Variants in STX8 observed in about 807,000 individuals in gnomAD.
The protein encoded by STX8 is syntaxin-8.
A neutral mutation model predicts 37.5 loss-of-function variants in STX8; 23 were observed. That is an observed-to-expected ratio of 0.61 (90% CI 0.44 to 0.87). STX8 has a LOEUF of 0.87. Among genes scored for constraint, STX8 ranks in the 40% least tolerant of loss-of-function variants. The pLI, the probability that STX8 is intolerant of heterozygous loss-of-function variation, is 0.00. For synonymous variants in STX8, 115 were observed against 99.1 expected, an observed-to-expected ratio of 1.16 and a Z score of -0.95; for missense variants, 313 against 284.7, an observed-to-expected ratio of 1.10 and a Z score of -0.71.
chr17:9,437,413 G>C (rs1904474955), intron 6 of STX8, among the ~76,000 whole-genome samples: 1 of 152,190 alleles, frequency 6.6e-6, no homozygotes, highest in Non-Finnish European at 1.5e-5. Flanking sequence ...TGATACAACA[G>C]CTTTCAGGGA....
At chr17:9,498,371 C>T (rs896709130) in intron 5 of STX8, among the ~76,000 whole-genome samples, 2 of 144,024 alleles carry the variant, frequency 1.4e-5, no homozygotes, top group African/African-American at 5.2e-5. Context: ...GCCTGGGTGA[C>T]AGAGTGAGAC....
intron 7 of STX8, among the ~76,000 whole-genome samples, chr17:9,310,875 T>C (rs1909167797): frequency 6.6e-6 from 1 of 152,210 alleles, no homozygotes; most frequent in Admixed American, 6.5e-5. Context: ...CCTAGTTTGA[T>C]ATCTCAAATT....
At chr17:9,496,466 T>C (rs930401307) in intron 5 of STX8, among the ~76,000 whole-genome samples, 1 of 152,194 alleles carries the variant, frequency 6.6e-6, no homozygotes, top group African/African-American at 2.4e-5. Flanking sequence ...CATGATGATA[T>C]CACAAGAGGG....
intron 7 of STX8, among the ~76,000 whole-genome samples, chr17:9,330,740 A>AT (rs1258091874): frequency 2.0e-5 from 3 of 152,196 alleles, no homozygotes; most frequent in Non-Finnish European, 4.4e-5. Flanking sequence ...CAAAGGCGGT[A>AT]TGGCTTGTAT....
At chr17:9,545,122 C>T (rs752054803) in intron 4 of STX8, 50 bp downstream of exon 4, 3 of 1,268,834 alleles carry the variant, frequency 2.4e-6, no homozygotes, top group Admixed American at 1.8e-5. Flanking sequence ...GTAGTATCTG[C>T]AAAGAAGTCT....
intron 6 of STX8, among the ~76,000 whole-genome samples, chr17:9,395,316 T>A (rs570370891): frequency 4.6e-5 from 7 of 151,794 alleles, no homozygotes; most frequent in South Asian, 4.2e-4. Context: ...AACATGAATA[T>A]GGCAGCTGGA....
At chr17:9,294,834 G>A (rs1318243422) in intron 7 of STX8, among the ~76,000 whole-genome samples, 1 of 152,192 alleles carries the variant, frequency 6.6e-6, no homozygotes, top group Non-Finnish European at 1.5e-5. Flanking sequence ...AGTCCAATAG[G>A]ACTGATGTCA....
chr17:9,543,907 C>T (rs989133175), intron 4 of STX8, among the ~76,000 whole-genome samples: 6 of 152,162 alleles, frequency 3.9e-5, no homozygotes, highest in Admixed American at 6.5e-5. Context: ...AACCTTGGAT[C>T]GCCGCTCCTG....
At chr17:9,548,640 A>G (rs1414480507) in intron 3 of STX8, 1 of 152,198 alleles carries the variant, frequency 6.6e-6, no homozygotes, top group African/African-American at 2.4e-5. Context: ...GCAGCCTTAA[A>G]AAAAGAATAG....
At chr17:9,310,516 CTT>C (rs1909155506) in intron 7 of STX8, among the ~76,000 whole-genome samples, 1 of 152,144 alleles carries the variant, frequency 6.6e-6, no homozygotes, top group African/African-American at 2.4e-5. Context: ...GTAACCTGCT[CTT>C]GTCTCAATAC....
chr17:9,506,422 C>CCCCCCCCCCCCCCG (rs1286101644), intron 4 of STX8, among the ~76,000 whole-genome samples: 2 of 109,406 alleles, frequency 1.8e-5, no homozygotes, highest in African/African-American at 7.9e-5. Flanking sequence ...CCCCCCCCCA[C>CCCCCCCCCCCCCCG]CCACCTTTCT....
At chr17:9,543,853 TTAACA>T (rs1374439225) in intron 4 of STX8, among the ~76,000 whole-genome samples, 1 of 152,202 alleles carries the variant, frequency 6.6e-6, no homozygotes, top group Admixed American at 6.5e-5. Context: ...CAGAAGCAAC[TTAACA>T]TTTCATCTAC....
chr17:9,511,125 G>A (rs1224497104), intron 4 of STX8, among the ~76,000 whole-genome samples: 1 of 151,918 alleles, frequency 6.6e-6, no homozygotes, highest in Non-Finnish European at 1.5e-5. Flanking sequence ...AATATAATCT[G>A]CCAACAAAGA....
At position 9,362,320 on chromosome 17, in the gene STX8, G is replaced by A. The variant is rs532972634; in HGVS notation, c.643+16232C>T. Among the ~76,000 whole-genome samples, 45 of 152,270 alleles carry A rather than the reference G, an allele frequency of 3.0e-4. 1 individual carries two copies. The highest frequency in any genetic ancestry group is 3.8e-4 in the Non-Finnish European group (26 of 68,018). On this transcript the variant is annotated intron_variant, in intron 7 of 7. Coordinates refer to ENST00000306357, the MANE Select transcript of STX8 (RefSeq NM_004853.3). The stretch of plus-strand genomic sequence containing the variant: ...GGCCTGCATGACAGTGTGAGACTCT[G>A]TCTCAACAAACAAACAAACATGTAA...
intron 6 of STX8, among the ~76,000 whole-genome samples, chr17:9,479,763 CATAGGGTG>C (rs2142451811): frequency 6.6e-6 from 1 of 152,074 alleles, no homozygotes; most frequent in South Asian, 2.1e-4. Flanking sequence ...TACTTTATAG[CATAGGGTG>C]ATGGTCACAC....
intron 4 of STX8, among the ~76,000 whole-genome samples, chr17:9,530,961 C>T (rs1442914592): frequency 6.6e-6 from 1 of 152,212 alleles, no homozygotes; most frequent in African/African-American, 2.4e-5. Context: ...ACATTTAGAT[C>T]TATAATCCTT....
intron 6 of STX8, among the ~76,000 whole-genome samples, chr17:9,386,471 G>A (rs1460627522): frequency 1.3e-5 from 2 of 152,072 alleles, no homozygotes; most frequent in African/African-American, 4.8e-5. Flanking sequence ...GGAAATGTTC[G>A]AAAGGTCATA....
intron 6 of STX8, among the ~76,000 whole-genome samples, chr17:9,431,030 T>G (rs1432381973): frequency 1.5e-5 from 2 of 135,122 alleles, no homozygotes; most frequent in Non-Finnish European, 3.2e-5. Flanking sequence ...TTGTTTTGGT[T>G]TTTTTTTAGT....
At position 9,509,338 on chromosome 17, in the gene STX8, G is replaced by C. The variant is rs543482967; in HGVS notation, c.324-4176C>G. Among the ~76,000 whole-genome samples the C allele has an allele frequency of 4.6e-5, 7 of 152,102 alleles. No individual in the cohort carries two copies. In the South Asian group the frequency reaches 1.5e-3, roughly 32 times the overall value. On this transcript the variant is annotated intron_variant, in intron 4 of 7. Transcript: ENST00000306357. ...GGGAGTTCCCATTAGACTAATAGCA[G>C]ATTTCTCAGCAGAAATCTTACCAAC...
Sources: gnomAD v4.1 joint callset for allele counts (sites outside exome capture counted in the v4.1 genomes callset) on GRCh38, gnomAD v4.1.1 for gene constraint, MANE v1.5 for transcripts, NCBI Gene and HGNC (gene_info 2026-07-23, HGNC 2026-07-21) for gene names.